Variants in KCTD17 observed in about 807,000 individuals in gnomAD.
KCTD17 encodes the protein potassium channel tetramerization domain containing 17.
KCTD17 carries 20 observed loss-of-function variants against 41.5 expected under a neutral mutation model. The observed-to-expected ratio is 0.48, with a 90% CI of 0.34 to 0.70. The LOEUF is 0.70. KCTD17 is among the 30% of genes least tolerant of loss of function. KCTD17 has a pLI of 0.01. For synonymous variants in KCTD17, 156 were observed against 173.8 expected, an observed-to-expected ratio of 0.90 and a Z score of 0.80; for missense variants, 317 against 427.2, an observed-to-expected ratio of 0.74 and a Z score of 2.27.
At chr22:37,052,118 T>G (rs1176494255) in intron 1 of KCTD17, 169 bp downstream of exon 1, 8 of 847,564 alleles carry the variant, frequency 9.4e-6, no homozygotes, top group East Asian at 3.5e-5. Context: ...GTGGGTCTGG[T>G]AGTGAGGGAT....
Position 37,062,649 on chromosome 22 carries a change from C to T in KCTD17, c.*55C>T, listed in dbSNP as rs1925933968. On this transcript the variant is annotated 3_prime_UTR_variant, in exon 9 of 9. Coordinates refer to ENST00000403888, the MANE Select transcript of KCTD17 (RefSeq NM_001282684.2). ...CCCCGGGCCTGAGAAGGAAGAAGCA[C>T]CCTCTCCCCGGCCTCCTCTGTCTGC... 1 of 1,576,668 alleles carries T rather than the reference C, an allele frequency of 6.3e-7. No individual in the cohort carries two copies. Among genetic ancestry groups the T allele is most frequent in the Admixed American group, 1.8e-5 (1 of 54,654 alleles).
At chr22:37,060,749 G>A in intron 5 of KCTD17, 74 bp from the exon 6 acceptor site, 1 of 1,433,238 alleles carries the variant, frequency 7.0e-7, no homozygotes, top group Non-Finnish European at 9.2e-7. Context: ...GGTCTTTGGG[G>A]ATAGCCAGCA....
rs1925737354 is a variant in KCTD17, at chr22:37,061,198, CTCT to C, written c.784+29_784+31del. 9 of 1,550,950 alleles carry C rather than the reference CTCT, an allele frequency of 5.8e-6. No individual in the cohort carries two copies. Among genetic ancestry groups the C allele is most frequent in the Non-Finnish European group, 7.8e-6 (9 of 1,146,980 alleles). ...GAGGTCCTGCCTCATCTTCATCCAC[CTCT>C]TCTTCCTCCTGGATCTCATCTGCAC... On this transcript the variant is annotated intron_variant, in intron 7 of 8. Coordinates refer to ENST00000403888, the MANE Select transcript of KCTD17 (RefSeq NM_001282684.2). This position sits in a 1 kb window ranked among gnomAD's most constrained non-coding sequence, Gnocchi z 6.6.
At chr22:37,062,453 G>T in intron 8 of KCTD17, 72 bp from the exon 9 acceptor site, 1 of 1,359,840 alleles carries the variant, frequency 7.4e-7, no homozygotes, top group South Asian at 1.8e-5. Context: ...CCCTTGCCCT[G>T]CATCACCCCC....
At chr22:37,052,185 G>A in intron 1 of KCTD17, 1 of 516,872 alleles carries the variant, frequency 1.9e-6, no homozygotes, top group Non-Finnish European at 3.3e-6. Flanking sequence ...AAGCTCTCCA[G>A]CCGCCCCGGA....
At chr22:37,060,632 T>TC (rs1328954233) in intron 5 of KCTD17, among the ~76,000 whole-genome samples, 191 bp from the exon 6 acceptor site, 1 of 152,138 alleles carries the variant, frequency 6.6e-6, no homozygotes, top group Non-Finnish European at 1.5e-5. Flanking sequence ...TCAGCTGCTT[T>TC]CCCCAGGCCC....
Position 37,059,451 on chromosome 22 carries a change from G to A in KCTD17, c.612+13G>A, listed in dbSNP as rs765318003. On this transcript the variant is annotated intron_variant, in intron 5 of 8. Transcript: ENST00000403888. ...CCGCAAAACCAAGGTGAGCCCACCC[G>A]CCTCAGCCTGTGTCCGGAGAAGTCT... The A allele has an allele frequency of 3.6e-5, 57 of 1,602,544 alleles. No homozygotes were observed. The highest frequency in any genetic ancestry group is 4.5e-5 in the Non-Finnish European group (53 of 1,176,612).
intron 1 of KCTD17, 93 bp downstream of exon 1, chr22:37,052,042 A>C: frequency 8.2e-7 from 1 of 1,212,960 alleles, no homozygotes; most frequent in Non-Finnish European, 1.0e-6. Context: ...CAGGCTGGGG[A>C]CCCGGCCGGG....
intron 8 of KCTD17, chr22:37,062,305 C>T: frequency 1.0e-6 from 1 of 985,202 alleles, no homozygotes; most frequent in African/African-American, 1.7e-5. Flanking sequence ...AGTTGGGGAG[C>T]CCTTGCTGCT....
intron 5 of KCTD17, 91 bp downstream of exon 5, chr22:37,059,529 C>T: frequency 7.1e-7 from 1 of 1,410,998 alleles, no homozygotes; most frequent in Non-Finnish European, 9.6e-7. Flanking sequence ...TGCACCATCC[C>T]TCCACCTCTC....
In KCTD17 at chr22:37,059,300, T is replaced by A; in HGVS notation, c.487-13T>A. The stretch of plus-strand genomic sequence containing the variant: ...CCAACCTGCATTTTTCTCCCCATGC[T>A]CCGCCCCTCTAGCTGGTGAACATCG... On this transcript the variant is annotated splice_polypyrimidine_tract_variant and intron_variant, in intron 4 of 8. Transcript: ENST00000403888. The A allele has an allele frequency of 1.9e-6, 3 of 1,611,560 alleles. No individual in the cohort carries two copies.
intron 1 of KCTD17, among the ~76,000 whole-genome samples, chr22:37,052,787 T>C (rs892640863): frequency 6.6e-6 from 1 of 152,174 alleles, no homozygotes; most frequent in African/African-American, 2.4e-5. Context: ...CAGAGGGACA[T>C]TCTTCGAGCC....
At chr22:37,062,158 C>T in intron 8 of KCTD17, 1 of 985,298 alleles carries the variant, frequency 1.0e-6, no homozygotes, top group Non-Finnish European at 1.2e-6. Context: ...CCTGTGGCTT[C>T]TTTCGCCTGG....
intron 4 of KCTD17, among the ~76,000 whole-genome samples, chr22:37,058,607 C>G (rs569293950): frequency 1.3e-5 from 2 of 152,346 alleles, no homozygotes; most frequent in Admixed American, 1.3e-4. Context: ...TTCAGCAGGC[C>G]TGAGATTCTC....
intron 2 of KCTD17, among the ~76,000 whole-genome samples, chr22:37,054,487 C>A (rs573566186): frequency 1.4e-5 from 2 of 146,664 alleles, no homozygotes; most frequent in Admixed American, 1.4e-4. Flanking sequence ...CAGGGCTATC[C>A]GGGGGCTAGG....
At chr22:37,060,535 C>T (rs551073058) in intron 5 of KCTD17, among the ~76,000 whole-genome samples, 6 of 152,338 alleles carry the variant, frequency 3.9e-5, no homozygotes, top group Admixed American at 3.9e-4. Flanking sequence ...CCACACCCTC[C>T]CTGTTCTGCT....
At chr22:37,052,617 T>A (rs1162958568) in intron 1 of KCTD17, 1 of 470,974 alleles carries the variant, frequency 2.1e-6, no homozygotes, top group Admixed American at 2.3e-5. Context: ...CACCTCTCAA[T>A]GTCTCCGATC....
Position 37,062,512 on chromosome 22 carries a change from C to T in KCTD17, c.876-13C>T, listed in dbSNP as rs369009490. On this transcript the variant is annotated splice_polypyrimidine_tract_variant and intron_variant, in intron 8 of 8. Transcript: ENST00000403888. ...CCTCCCATCCTCCTGCCCTTCCCCT[C>T]TTTTTTTTCTAGCTGTTACAAGCCA... 5 of 1,611,324 alleles carry T rather than the reference C, an allele frequency of 3.1e-6. No individual in the cohort carries two copies. The highest frequency in any genetic ancestry group is 4.2e-6 in the Non-Finnish European group (5 of 1,178,872).
intron 4 of KCTD17, among the ~76,000 whole-genome samples, chr22:37,058,013 C>T (rs1468166144): frequency 3.3e-5 from 5 of 152,232 alleles, no homozygotes; most frequent in African/African-American, 9.6e-5. Flanking sequence ...TTATGGTGAA[C>T]GGTGGTTCCT....
Sources: allele counts gnomAD v4.1 joint callset (sites outside exome capture counted in the v4.1 genomes callset), GRCh38; gene constraint gnomAD v4.1.1; non-coding constraint Gnocchi (gnomAD v3.1); transcripts MANE v1.5; gene names NCBI Gene and HGNC (gene_info 2026-07-23, HGNC 2026-07-21).